UBTD1: variants seen among roughly 807,000 people sequenced by gnomAD.
UBTD1 encodes the protein ubiquitin domain containing 1, also known as ubiquitin domain-containing protein 1.
UBTD1 carries 19 observed loss-of-function variants against 21.7 expected under a neutral mutation model. The ratio of observed to expected loss-of-function variants is 0.87; its 90% CI spans 0.61 to 1.28. The LOEUF is 1.28. UBTD1 is among the 50% of genes most tolerant of loss of function. The pLI, the probability that UBTD1 is intolerant of heterozygous loss-of-function variation, is 0.00. For synonymous variants in UBTD1, 116 were observed against 135.1 expected (o/e 0.86, Z 0.98); for missense variants, 282 against 315.1 (o/e 0.89, Z 0.80).
chr10:97,532,799 A>AAAGG (rs1564739381), intron 1 of UBTD1, among the ~76,000 whole-genome samples: 1 of 21,158 alleles, frequency 4.7e-5, no homozygotes, highest in Non-Finnish European at 3.3e-4. Flanking sequence ...TCAAAAAAAA[A>AAAGG]AAGAAAGAAA....
chr10:97,508,166 T>G (rs1248326103), intron 1 of UBTD1, among the ~76,000 whole-genome samples: 1 of 152,184 alleles, frequency 6.6e-6, no homozygotes, highest in East Asian at 1.9e-4. Flanking sequence ...AGCTGAGCCT[T>G]AGAAAGGTAA....
chr10:97,570,148 T>C lies in UBTD1; in HGVS notation c.309T>C (p.Cys103=). 6.2e-7 allele frequency: 1 copy of C among 1,605,122 alleles called. No individual in the cohort carries two copies. The highest frequency in any genetic ancestry group is 1.1e-5 in the South Asian group (1 of 90,868). The part of the protein sequence containing the change: ...ASITLPHGTL[C]ECYDELGNRY... ...CTGCCTCTCCTACAGGCACCCTCTG[T>C]GAATGCTACGATGAGCTGGGCAATC... The change falls in exon 3 of 3, where the codon TGT becomes TGC. Residue 103 remains cysteine, a synonymous_variant. Coordinates refer to ENST00000370664, the MANE Select transcript of UBTD1 (RefSeq NM_024954.5). The surrounding 1 kb of genome is among the most constrained non-coding windows in gnomAD (Gnocchi z 6.6).
At chr10:97,527,200 C>T (rs1447271711) in intron 1 of UBTD1, among the ~76,000 whole-genome samples, 2 of 141,874 alleles carry the variant, frequency 1.4e-5, no homozygotes, top group Admixed American at 1.4e-4. Context: ...AAAAAGCCTG[C>T]CTTGGCAGGC....
At chr10:97,539,594 CAA>C (rs879475493) in intron 1 of UBTD1, among the ~76,000 whole-genome samples, 3 of 137,178 alleles carry the variant, frequency 2.2e-5, no homozygotes, top group Admixed American at 7.3e-5. Flanking sequence ...GGCCCCATTT[CAA>C]AAAAAAAAAA....
At chr10:97,501,154 C>A (rs1692169087) in intron 1 of UBTD1, among the ~76,000 whole-genome samples, 1 of 152,238 alleles carries the variant, frequency 6.6e-6, no homozygotes, top group Admixed American at 6.5e-5. Context: ...TCAAGTCAAC[C>A]CTTGTCTCAG....
intron 1 of UBTD1, among the ~76,000 whole-genome samples, chr10:97,544,291 C>CA (rs35919777): frequency 0.029 from 4,095 of 139,046 alleles, 131 homozygotes; most frequent in African/African-American, 0.079. Flanking sequence ...AACTCTGTCT[C>CA]AAAAAAAAAA....
At chr10:97,531,048 C>G (rs1326629299) in intron 1 of UBTD1, among the ~76,000 whole-genome samples, 2 of 151,048 alleles carry the variant, frequency 1.3e-5, no homozygotes, top group East Asian at 3.9e-4. Flanking sequence ...CCACCACGCC[C>G]AACTAATTTT....
intron 1 of UBTD1, among the ~76,000 whole-genome samples, chr10:97,549,296 G>A (rs952762910): frequency 1.4e-4 from 22 of 152,212 alleles, no homozygotes; most frequent in African/African-American, 5.1e-4. Flanking sequence ...CCTATTCAGT[G>A]AGGCTTGTTC....
chr10:97,551,240 C>T (rs1208841774), intron 1 of UBTD1, among the ~76,000 whole-genome samples: 3 of 152,122 alleles, frequency 2.0e-5, no homozygotes, highest in Non-Finnish European at 4.4e-5. Flanking sequence ...ATTCTCTGCT[C>T]AATCACAAAT....
rs79000240 is a variant in UBTD1 at position 97,523,879 on chromosome 10, G to A, written c.70+24606G>A. 2.0e-4 allele frequency among the ~76,000 whole-genome samples: 31 copies of A among 152,196 alleles called. 1 individual carries two copies. In the East Asian group the frequency reaches 5.6e-3, roughly 28 times the overall value. On this transcript the variant is annotated intron_variant, in intron 1 of 2. Coordinates refer to ENST00000370664, the MANE Select transcript of UBTD1 (RefSeq NM_024954.5). ...CGTCCCTTGTTCCTGCTGCTTCTGT[G>A]GCAGCTGGAGCCAGTGAGATGATGC...
intron 1 of UBTD1, among the ~76,000 whole-genome samples, chr10:97,499,601 A>T (rs1258444522): frequency 6.6e-6 from 1 of 152,106 alleles, no homozygotes; most frequent in Non-Finnish European, 1.5e-5. Context: ...CTGGCCTGGC[A>T]GCTCCGGCCG....
In UBTD1 at chr10:97,552,282, G is replaced by A. The variant is rs759320565; in HGVS notation, c.71-15632G>A. Among the ~76,000 whole-genome samples, 13 of 152,020 alleles carry A rather than the reference G, an allele frequency of 8.6e-5. No individual in the cohort carries two copies. In the South Asian group the frequency reaches 1.0e-3, roughly 12 times the overall value. On this transcript the variant is annotated intron_variant, in intron 1 of 2. Coordinates refer to ENST00000370664, the MANE Select transcript of UBTD1 (RefSeq NM_024954.5). ...ACAGCTCCTCAGGAGGCGGAGGTGG[G>A]AGCATCGCTTGAGCCCAGGAGGTTG...
intron 1 of UBTD1, among the ~76,000 whole-genome samples, chr10:97,509,026 AG>A (rs1434069725): frequency 6.6e-6 from 1 of 152,230 alleles, no homozygotes; most frequent in Non-Finnish European, 1.5e-5. Context: ...AGGCACAGAG[AG>A]TCATGTTAGC....
intron 1 of UBTD1, among the ~76,000 whole-genome samples, chr10:97,512,974 A>G (rs1042030423): frequency 2.0e-5 from 3 of 152,180 alleles, no homozygotes; most frequent in Non-Finnish European, 4.4e-5. Flanking sequence ...AATTCTAGAG[A>G]TTAAATGATC....
chr10:97,530,922 C>T (rs1461477610), intron 1 of UBTD1, among the ~76,000 whole-genome samples: 2 of 151,838 alleles, frequency 1.3e-5, no homozygotes, highest in Non-Finnish European at 2.9e-5. Flanking sequence ...GAGTCTGGCT[C>T]TGTTGCCCAG....
At chr10:97,508,926 G>A (rs898192673) in intron 1 of UBTD1, among the ~76,000 whole-genome samples, 4 of 152,230 alleles carry the variant, frequency 2.6e-5, no homozygotes, top group South Asian at 2.1e-4. Context: ...GCAAACCTCC[G>A]CTTTCCAACA....
At chr10:97,550,812 C>T (rs573387472) in intron 1 of UBTD1, among the ~76,000 whole-genome samples, 6 of 152,288 alleles carry the variant, frequency 3.9e-5, no homozygotes, top group Admixed American at 2.6e-4. Context: ...CTTAAATGCT[C>T]TGTCTCCCAC....
intron 1 of UBTD1, among the ~76,000 whole-genome samples, chr10:97,548,182 G>T (rs993410047): frequency 9.2e-5 from 14 of 152,336 alleles, no homozygotes; most frequent in Admixed American, 6.5e-4. Flanking sequence ...TAGCCAGATT[G>T]CAGAGAGAGG....
At position 97,539,177 on chromosome 10, in the gene UBTD1, C is replaced by T. The variant is rs377061397; in HGVS notation, c.71-28737C>T. On this transcript the variant is annotated intron_variant, in intron 1 of 2. Transcript: ENST00000370664. ...GTAGGAGCTGAAGCTCACATGTCCT[C>T]TGGAGCCTGGGGTTTCTGGAGGTGT... Among the ~76,000 whole-genome samples, 3 of 151,686 alleles carry T rather than the reference C, an allele frequency of 2.0e-5. No individual in the cohort carries two copies. In the East Asian group the frequency reaches 5.8e-4, roughly 29 times the overall value.
Sources: allele counts gnomAD v4.1 joint callset (sites outside exome capture counted in the v4.1 genomes callset), GRCh38; gene constraint gnomAD v4.1.1; non-coding constraint Gnocchi (gnomAD v3.1); transcripts MANE v1.5; gene names NCBI Gene and HGNC (gene_info 2026-07-23, HGNC 2026-07-21).